TLK1: variants seen among roughly 807,000 people sequenced by gnomAD.
TLK1 encodes the protein serine/threonine-protein kinase tousled-like 1.
TLK1 carries 24 observed loss-of-function variants against 105.3 expected under a neutral mutation model. That is an observed-to-expected ratio of 0.23 (90% CI 0.17 to 0.32). The LOEUF is 0.32. Among genes scored for constraint, TLK1 ranks in the 10% least tolerant of loss-of-function variants. The pLI is 1.00. For missense variants in TLK1, 558 were observed against 910.5 expected (o/e 0.61, Z 4.98); for synonymous variants, 321 against 310.4 (o/e 1.03, Z -0.36).
At position 171,160,214 on chromosome 2, in the gene TLK1, GGGC is replaced by G; in HGVS notation, c.139+73_139+75del. On this transcript the variant is annotated intron_variant, in intron 1 of 20. Coordinates refer to ENST00000431350, the MANE Select transcript of TLK1 (RefSeq NM_012290.5). The surrounding 1 kb of genome is among the most constrained non-coding windows in gnomAD (Gnocchi z 4.4). ...TGGCGGAGAAGCCCCGGGGCGGGGG[GGGC>G]GGGGGGGGGGCGCGGGGGTCCGCGG... The G allele has an allele frequency of 1.6e-6, 2 of 1,262,722 alleles. No individual in the cohort carries two copies. The highest frequency in any genetic ancestry group is 2.0e-6 in the Non-Finnish European group (2 of 997,952). The allele number at this position is 1,262,722 out of a possible 1,614,324, so 78.2% of individuals were successfully genotyped here. A position where few individuals can be genotyped will look rare whatever the true frequency, so the allele number is the denominator to read the frequency against.
intron 1 of TLK1, among the ~76,000 whole-genome samples, chr2:171,196,758 G>C (rs138562376): frequency 1.8e-4 from 27 of 152,306 alleles, no homozygotes; most frequent in African/African-American, 6.3e-4. Context: ...TTGTCAGCCT[G>C]GTTCTATGAG....
At chr2:171,200,393 A>G (rs954307094) in intron 1 of TLK1, among the ~76,000 whole-genome samples, 3 of 152,210 alleles carry the variant, frequency 2.0e-5, no homozygotes, top group African/African-American at 7.2e-5. Flanking sequence ...TATCTTTATC[A>G]TATGACTATC....
intron 1 of TLK1, among the ~76,000 whole-genome samples, chr2:171,145,467 G>A (rs1018232797): frequency 1.3e-5 from 2 of 151,914 alleles, no homozygotes; most frequent in East Asian, 3.8e-4. Flanking sequence ...GCGGGCACCT[G>A]TAATCCCGGC....
At chr2:171,202,876 C>T (rs1367668663) in intron 1 of TLK1, among the ~76,000 whole-genome samples, 1 of 152,060 alleles carries the variant, frequency 6.6e-6, no homozygotes, top group Non-Finnish European at 1.5e-5. Flanking sequence ...TTTTATTGGA[C>T]AAAATATTGA....
intron 11 of TLK1, among the ~76,000 whole-genome samples, chr2:171,030,442 T>C (rs928473935): frequency 6.6e-6 from 1 of 152,068 alleles, no homozygotes; most frequent in Admixed American, 6.6e-5. Context: ...ATTTAGAGAA[T>C]TAAATGCTGG....
chr2:171,184,079 G>A (rs1368497839), intron 1 of TLK1, among the ~76,000 whole-genome samples: 1 of 152,160 alleles, frequency 6.6e-6, no homozygotes, highest in African/African-American at 2.4e-5. Flanking sequence ...TGGTCAGAGG[G>A]CGATGTGACT....
chr2:171,135,334 T>C (rs111272732), intron 1 of TLK1, among the ~76,000 whole-genome samples: 1 of 91,876 alleles, frequency 1.1e-5, no homozygotes, highest in South Asian at 2.8e-4. Context: ...TATATATATA[T>C]ATATATATAT....
At chr2:171,190,912 C>T (rs947798398) in intron 1 of TLK1, among the ~76,000 whole-genome samples, 5 of 149,636 alleles carry the variant, frequency 3.3e-5, no homozygotes, top group African/African-American at 1.3e-4. Flanking sequence ...ACCTGTAATC[C>T]CAGTACTTTG....
At chr2:171,063,711 T>C (rs11696064) in intron 3 of TLK1, among the ~76,000 whole-genome samples, 75,157 of 152,074 alleles carry the variant, frequency 0.49, 21,546 homozygotes, top group South Asian at 0.67. Context: ...CAATGGTAGG[T>C]TGAGAAGACT....
Position 171,227,171 on chromosome 2 carries a change from A to G in TLK1, c.-6+3974T>C, listed in dbSNP as rs144764401. 6.3e-4 allele frequency among the ~76,000 whole-genome samples: 96 copies of G among 152,140 alleles called. 1 individual carries two copies. The East Asian group carries it at 0.017, about 28-fold the overall frequency. On this transcript the variant is annotated intron_variant, in intron 1 of 20. Transcript: ENST00000521943. ...CTTTGAGACTCCCTACTACCCCTCC[A>G]TGTAGTTGAGGTGGAGCTGACCCTT...
chr2:171,202,424 C>T (rs1476408568), intron 1 of TLK1, among the ~76,000 whole-genome samples: 3 of 149,632 alleles, frequency 2.0e-5, no homozygotes, highest in East Asian at 2.0e-4. Flanking sequence ...TGCACTCCAG[C>T]GTGAGCAACG....
intron 1 of TLK1, among the ~76,000 whole-genome samples, chr2:171,214,897 G>T (rs1182406445): frequency 1.3e-5 from 2 of 152,020 alleles, no homozygotes; most frequent in African/African-American, 4.8e-5. Flanking sequence ...CCTTGATTCA[G>T]CAACTGAAGC....
rs146603299 is a variant in TLK1, at chr2:170,998,658, G to A, written c.1905-835C>T. Among the ~76,000 whole-genome samples the A allele has an allele frequency of 2.4e-3, 365 of 152,300 alleles. 1 individual carries two copies. The highest frequency in any genetic ancestry group is 7.3e-3 in the African/African-American group (302 of 41,554). ...CATTAAACTACAATCACACCAGACC[G>A]TGAGCAGCTCAAGGAACTCTTATTC... On this transcript the variant is annotated intron_variant, in intron 18 of 20. Transcript: ENST00000431350.
In TLK1 at chr2:170,997,832, T is replaced by G; in HGVS notation, c.1905-9A>C. 1 of 1,546,950 alleles carries G rather than the reference T, an allele frequency of 6.5e-7. No homozygotes were observed. The highest frequency in any genetic ancestry group is 8.8e-7 in the Non-Finnish European group (1 of 1,134,480). On this transcript the variant is annotated splice_polypyrimidine_tract_variant and intron_variant, in intron 18 of 20. Transcript: ENST00000431350. ...ACTCAGGAGGTAAATACCTGTAAGT[T>G]TTGTGGGAGAGAAAAAAGGTTACTA...
At chr2:171,060,121 G>T in intron 4 of TLK1, 1 of 1,390,532 alleles carries the variant, frequency 7.2e-7, no homozygotes. Context: ...AACAATTTAG[G>T]CAACCATCCT....
At chr2:171,083,723 T>C (rs1189534900) in intron 2 of TLK1, among the ~76,000 whole-genome samples, 4 of 152,180 alleles carry the variant, frequency 2.6e-5, no homozygotes, top group African/African-American at 9.7e-5. Context: ...ACTATAATTA[T>C]ATAATTGAAA....
chr2:171,082,811 G>A lies in TLK1; in HGVS notation c.300C>T (p.Ser100=). The change falls in exon 3 of 21, where the codon AGC becomes AGT. Residue 100 remains serine, a synonymous_variant. Coordinates refer to ENST00000431350, the MANE Select transcript of TLK1 (RefSeq NM_012290.5). ...ATTCTTTGTCACTTAAAGATCCCAAGCTTCCAAAACTGTGATTAGAGCTTT... is the reference window on the plus strand; with the variant it reads ...ATTCTTTGTCACTTAAAGATCCCAAACTTCCAAAACTGTGATTAGAGCTTT... The part of the protein sequence containing the change: ...NNESSNHSFG[S]LGSLSDKESE... 1 of 1,610,186 alleles carries A rather than the reference G, an allele frequency of 6.2e-7. No individual in the cohort carries two copies. The highest frequency in any genetic ancestry group is 8.5e-7 in the Non-Finnish European group (1 of 1,178,630).
chr2:171,144,515 GA>G (rs982594495), intron 1 of TLK1, among the ~76,000 whole-genome samples: 7 of 151,418 alleles, frequency 4.6e-5, no homozygotes, highest in African/African-American at 1.7e-4. Flanking sequence ...CTCAGTAACA[GA>G]AAAAAAATCG....
intron 2 of TLK1, among the ~76,000 whole-genome samples, chr2:171,086,208 A>G (rs1688965344): frequency 6.6e-6 from 1 of 152,236 alleles, no homozygotes; most frequent in Non-Finnish European, 1.5e-5. Flanking sequence ...TTCCACCACC[A>G]GTAAAAACAG....
Sources: allele counts gnomAD v4.1 joint callset (sites outside exome capture counted in the v4.1 genomes callset), GRCh38; gene constraint gnomAD v4.1.1; non-coding constraint Gnocchi (gnomAD v3.1); transcripts MANE v1.5; gene names NCBI Gene and HGNC (gene_info 2026-07-23, HGNC 2026-07-21).